Variants in CCSER1 observed in about 807,000 individuals in gnomAD.
CCSER1 encodes the protein serine-rich coiled-coil domain-containing protein 1.
Under a neutral mutation model 82.0 loss-of-function variants are expected in CCSER1, and 41 were observed. The ratio of observed to expected loss-of-function variants is 0.50; its 90% confidence interval spans 0.39 to 0.65. The LOEUF (loss-of-function observed/expected upper bound fraction) is 0.65, where lower values mean the gene tolerates loss of function less well. CCSER1 is among the 30% of genes least tolerant of loss of function. The probability of loss-of-function intolerance (pLI) is 0.00; values close to 1 mark genes in which losing one functional copy is unlikely to be tolerated. For synonymous variants in CCSER1, 414 were observed against 383.9 expected (o/e 1.08, Z -0.92); for missense variants, 1,119 against 1,064.2 (o/e 1.05, Z -0.72).
chr4:90,561,680 A>G (rs1778773404), intron 5 of CCSER1, among the ~76,000 whole-genome samples: 1 of 152,162 alleles, frequency 6.6e-6, no homozygotes, highest in Non-Finnish European at 1.5e-5. Context: ...CTTCCCTGTT[A>G]TATGCAATAG....
chr4:90,388,427 A>C (rs899189824), intron 3 of CCSER1, among the ~76,000 whole-genome samples: 2 of 151,872 alleles, frequency 1.3e-5, no homozygotes, highest in African/African-American at 4.8e-5. Context: ...CTCCTGCCTC[A>C]GCCTCCTGAG....
At chr4:90,873,109 T>C (rs1766770422) in intron 8 of CCSER1, among the ~76,000 whole-genome samples, 1 of 152,062 alleles carries the variant, frequency 6.6e-6, no homozygotes, top group Admixed American at 6.6e-5. Context: ...TGAATATTGA[T>C]ATCTTTCTTA....
intron 9 of CCSER1, among the ~76,000 whole-genome samples, chr4:90,961,443 A>G (rs1734042564): frequency 1.3e-5 from 2 of 152,190 alleles, no homozygotes; most frequent in Non-Finnish European, 2.9e-5. Flanking sequence ...TCTTGTAGGT[A>G]CATGTCTATA....
chr4:91,101,551 C>T (rs1725053862), intron 10 of CCSER1, among the ~76,000 whole-genome samples: 1 of 150,964 alleles, frequency 6.6e-6, no homozygotes, highest in African/African-American at 2.4e-5. Context: ...AGGGGAATCA[C>T]TTGAACTCGG....
At chr4:90,670,547 G>A (rs1732608236) in intron 6 of CCSER1, among the ~76,000 whole-genome samples, 1 of 151,948 alleles carries the variant, frequency 6.6e-6, no homozygotes, top group African/African-American at 2.4e-5. Flanking sequence ...ATCTGTTAGG[G>A]GAAAGAACTT....
In CCSER1 at chr4:90,308,475, G is replaced by A. The variant is rs774767718; in HGVS notation, c.191G>A (p.Arg64His). The A allele has an allele frequency of 2.8e-5, 45 of 1,613,654 alleles. No homozygotes were observed. The highest frequency in any genetic ancestry group is 5.0e-5 in the Admixed American group (3 of 59,968). ...ACAGGTAAACGGAGGAGCATATTCC[G>A]TACTCCTTCCATTAGCTTCCACCAT... ...GSTGKRRSIFRTPSISFHHKK... is the reference protein window; with the variant it reads ...GSTGKRRSIFHTPSISFHHKK... Residue 64 changes from arginine (R) to histidine (H), a missense_variant, in exon 2 of 11, where the codon CGT becomes CAT. Transcript: ENST00000509176.
At chr4:90,361,084 T>G (rs534578053) in intron 3 of CCSER1, among the ~76,000 whole-genome samples, 1 of 152,298 alleles carries the variant, frequency 6.6e-6, no homozygotes, top group Admixed American at 6.5e-5. Flanking sequence ...TGAGTCTAAT[T>G]TTCTCAAAAT....
chr4:91,474,393 TCA>T (rs1389409355), intron 10 of CCSER1, among the ~76,000 whole-genome samples: 1 of 151,878 alleles, frequency 6.6e-6, no homozygotes, highest in Non-Finnish European at 1.5e-5. Flanking sequence ...ACATATATAA[TCA>T]CACATTTAAT....
chr4:91,526,661 A>G (rs1041356893), intron 10 of CCSER1, among the ~76,000 whole-genome samples: 2 of 152,032 alleles, frequency 1.3e-5, no homozygotes, highest in Non-Finnish European at 2.9e-5. Flanking sequence ...CTGGAGTGCA[A>G]TGATGCGATC....
intron 8 of CCSER1, among the ~76,000 whole-genome samples, chr4:90,896,007 C>A (rs1723654662): frequency 6.6e-6 from 1 of 151,636 alleles, no homozygotes; most frequent in African/African-American, 2.4e-5. Context: ...TGCAGTGATT[C>A]CGGAGGAAAA....
chr4:90,461,123 T>A (rs1432040517), intron 4 of CCSER1, among the ~76,000 whole-genome samples: 2 of 113,278 alleles, frequency 1.8e-5, no homozygotes, highest in Non-Finnish European at 3.3e-5. Context: ...TGGAGTGCAG[T>A]GGCGGGATCT....
chr4:90,441,808 C>T (rs112797390), intron 4 of CCSER1, among the ~76,000 whole-genome samples: 3 of 152,300 alleles, frequency 2.0e-5, no homozygotes, highest in African/African-American at 7.2e-5. Context: ...AATAACTAAT[C>T]TCTGATGGAT....
intron 10 of CCSER1, among the ~76,000 whole-genome samples, chr4:91,132,312 A>G (rs1343751403): frequency 6.6e-6 from 1 of 152,174 alleles, no homozygotes; most frequent in Non-Finnish European, 1.5e-5. Context: ...ATACAAGTAT[A>G]AGATGAATAA....
At chr4:90,256,258 A>G (rs1161068040) in intron 1 of CCSER1, among the ~76,000 whole-genome samples, 3 of 152,100 alleles carry the variant, frequency 2.0e-5, no homozygotes, top group Non-Finnish European at 4.4e-5. Flanking sequence ...CATTCTTTCT[A>G]TTACAAAAAT....
chr4:90,434,143 A>T (rs1758695318), intron 4 of CCSER1, among the ~76,000 whole-genome samples: 1 of 152,058 alleles, frequency 6.6e-6, no homozygotes, highest in South Asian at 2.1e-4. Flanking sequence ...TCCTTAACAG[A>T]ATTCTAGTTT....
intron 10 of CCSER1, among the ~76,000 whole-genome samples, chr4:91,396,262 G>A (rs543025881): frequency 1.3e-5 from 2 of 152,178 alleles, no homozygotes; most frequent in Admixed American, 1.3e-4. Flanking sequence ...ATATATTTAT[G>A]AAATGAAGAA....
At chr4:91,222,948 G>C (rs1737868805) in intron 10 of CCSER1, among the ~76,000 whole-genome samples, 2 of 151,944 alleles carry the variant, frequency 1.3e-5, no homozygotes, top group African/African-American at 4.8e-5. Context: ...ATGTTATCTT[G>C]GTGTAAAAAA....
intron 10 of CCSER1, among the ~76,000 whole-genome samples, chr4:91,537,746 T>A (rs1210301800): frequency 6.6e-6 from 1 of 151,962 alleles, no homozygotes; most frequent in African/African-American, 2.4e-5. Flanking sequence ...TCATAAAGCT[T>A]TACATCCCAT....
At chr4:90,325,195 T>G (rs1579190501) in intron 3 of CCSER1, among the ~76,000 whole-genome samples, 2 of 152,316 alleles carry the variant, frequency 1.3e-5, no homozygotes, top group East Asian at 3.9e-4. Context: ...CGGGGTTCTA[T>G]TCAGCCACAT....
Sources: gnomAD v4.1 joint callset for allele counts (sites outside exome capture counted in the v4.1 genomes callset) on GRCh38, gnomAD v4.1.1 for gene constraint, MANE v1.5 for transcripts, NCBI Gene and HGNC (gene_info 2026-07-23, HGNC 2026-07-21) for gene names.